ADGRB3: variants seen among roughly 807,000 people sequenced by gnomAD.
ADGRB3 encodes adhesion G protein-coupled receptor B3.
Under a neutral mutation model 193.4 loss-of-function variants are expected in ADGRB3, and 37 were observed. The ratio of observed to expected loss-of-function variants is 0.19; its 90% CI spans 0.15 to 0.25. The LOEUF (loss-of-function observed/expected upper bound fraction) is 0.25, where lower values mean the gene tolerates loss of function less well. ADGRB3 is among the 10% of genes least tolerant of loss of function. The probability of loss-of-function intolerance (pLI) is 1.00; values close to 1 mark genes in which losing one functional copy is unlikely to be tolerated. For missense variants in ADGRB3, 1,637 were observed against 1,852.9 expected, an observed-to-expected ratio of 0.88 and a Z score of 2.14; for synonymous variants, 690 against 644.2, an observed-to-expected ratio of 1.07 and a Z score of -1.08.
chr6:69,351,611 A>C (rs976235540), intron 26 of ADGRB3, among the ~76,000 whole-genome samples: 7 of 152,194 alleles, frequency 4.6e-5, no homozygotes, highest in African/African-American at 1.7e-4. Flanking sequence ...ATAGCATTTA[A>C]TGATTCATGA....
chr6:69,361,474 A>T lies in ADGRB3; in HGVS notation c.4201A>T (p.Ser1401Cys). 1 of 1,612,648 alleles carries T rather than the reference A, an allele frequency of 6.2e-7. No individual in the cohort carries two copies. The highest frequency in any genetic ancestry group is 8.5e-7 in the Non-Finnish European group (1 of 1,179,028). The stretch of plus-strand genomic sequence containing the variant: ...GGATGATAATGCAGGACTATCAAGA[A>T]GTGAAACTGGATCAACGATATCAAT... Reference protein sequence around the residue: ...ELDDNAGLSRSETGSTISMSS... With the variant: ...ELDDNAGLSRCETGSTISMSS... Residue 1401 changes from serine to cysteine, a missense_variant, in exon 29 of 32, where the codon AGT (serine) becomes TGT (cysteine). Ser to Cys is a moderately radical substitution (Grantham distance 112, BLOSUM62 -1). Transcript: ENST00000370598.
chr6:68,843,059 A>ACC (rs1554203968), intron 3 of ADGRB3, among the ~76,000 whole-genome samples: 1 of 151,268 alleles, frequency 6.6e-6, no homozygotes. Flanking sequence ...AACAAAAAAA[A>ACC]AAACAGGAAA....
chr6:69,079,963 A>G (rs1313130429), intron 17 of ADGRB3, among the ~76,000 whole-genome samples: 5 of 152,036 alleles, frequency 3.3e-5, no homozygotes. Context: ...TTTCAAATTG[A>G]TTTATTGGAG....
chr6:68,989,728 A>G (rs562625384), intron 10 of ADGRB3, among the ~76,000 whole-genome samples: 1 of 152,294 alleles, frequency 6.6e-6, no homozygotes, highest in Non-Finnish European at 1.5e-5. Context: ...TTTTATTATT[A>G]CAACTGCTAC....
intron 3 of ADGRB3, among the ~76,000 whole-genome samples, chr6:68,920,246 G>C (rs9446073): frequency 1.3e-5 from 2 of 152,162 alleles, no homozygotes; most frequent in East Asian, 1.9e-4. Context: ...GGCCAGGTGC[G>C]GTGGCTCACG....
At chr6:68,820,745 G>A (rs1350570634) in intron 3 of ADGRB3, among the ~76,000 whole-genome samples, 3 of 151,942 alleles carry the variant, frequency 2.0e-5, no homozygotes, top group Non-Finnish European at 4.4e-5. Flanking sequence ...GAGTATGCAT[G>A]CATGTATATT....
intron 3 of ADGRB3, among the ~76,000 whole-genome samples, chr6:68,790,596 GA>G (rs1767083425): frequency 1.3e-5 from 2 of 152,242 alleles, no homozygotes; most frequent in South Asian, 4.2e-4. Flanking sequence ...AAAACTTCCA[GA>G]GGAACGATCA....
chr6:68,705,505 T>C (rs779028536), intron 3 of ADGRB3, among the ~76,000 whole-genome samples: 1 of 152,202 alleles, frequency 6.6e-6, no homozygotes, highest in Non-Finnish European at 1.5e-5. Flanking sequence ...AGAATCATGA[T>C]GGAATCAAAC....
intron 13 of ADGRB3, among the ~76,000 whole-genome samples, chr6:69,021,749 C>G (rs1770277639): frequency 6.6e-6 from 1 of 151,832 alleles, no homozygotes; most frequent in Admixed American, 6.6e-5. Flanking sequence ...TTTAGAAAGA[C>G]TTTCTTCAAA....
intron 3 of ADGRB3, among the ~76,000 whole-genome samples, chr6:68,742,203 T>C (rs1765995646): frequency 6.6e-6 from 1 of 152,206 alleles, no homozygotes; most frequent in African/African-American, 2.4e-5. Context: ...AAGTCATTGC[T>C]AATGAGTGGC....
chr6:69,252,308 A>C (rs1667919457), intron 20 of ADGRB3, among the ~76,000 whole-genome samples: 1 of 152,126 alleles, frequency 6.6e-6, no homozygotes, highest in African/African-American at 2.4e-5. Flanking sequence ...TTTCCAATTG[A>C]TAGACATATG....
chr6:69,118,802 A>T (rs1025685400), intron 17 of ADGRB3, among the ~76,000 whole-genome samples: 2 of 152,126 alleles, frequency 1.3e-5, no homozygotes, highest in South Asian at 4.1e-4. Context: ...CTTACTTTAA[A>T]TGAGTTTACC....
chr6:68,764,878 T>C (rs995110711), intron 3 of ADGRB3, among the ~76,000 whole-genome samples: 3 of 152,224 alleles, frequency 2.0e-5, no homozygotes, highest in South Asian at 2.1e-4. Context: ...GATAGAAATG[T>C]GTAACTTCAT....
intron 20 of ADGRB3, among the ~76,000 whole-genome samples, chr6:69,302,082 A>G (rs1471197113): frequency 6.6e-6 from 1 of 151,978 alleles, no homozygotes; most frequent in Non-Finnish European, 1.5e-5. Flanking sequence ...TTTGGAGACC[A>G]TGAAAAAACT....
intron 3 of ADGRB3, among the ~76,000 whole-genome samples, chr6:68,648,944 A>T (rs1380221620): frequency 6.6e-6 from 1 of 152,076 alleles, no homozygotes; most frequent in East Asian, 1.9e-4. Flanking sequence ...AAAGAATATA[A>T]TAACACCTAT....
intron 13 of ADGRB3, among the ~76,000 whole-genome samples, chr6:69,020,826 C>G (rs1158961551): frequency 6.6e-6 from 1 of 151,916 alleles, no homozygotes; most frequent in African/African-American, 2.4e-5. Context: ...GGGTTATGCG[C>G]CATAGTATTC....
intron 17 of ADGRB3, among the ~76,000 whole-genome samples, chr6:69,107,063 T>C (rs1773235157): frequency 6.6e-6 from 1 of 152,204 alleles, no homozygotes; most frequent in Non-Finnish European, 1.5e-5. Context: ...TATGTAAATG[T>C]ATTTAATAAC....
intron 3 of ADGRB3, among the ~76,000 whole-genome samples, chr6:68,711,771 T>A (rs1765412944): frequency 6.6e-6 from 1 of 152,122 alleles, no homozygotes; most frequent in Admixed American, 6.6e-5. Context: ...TACTCATGGC[T>A]TCAATCATCA....
At position 69,006,829 on chromosome 6, in the gene ADGRB3, CTTCGTCATCTTT is replaced by C. The variant is rs527396554; in HGVS notation, c.1930-7206_1930-7195del. Among the ~76,000 whole-genome samples, 5 of 152,006 alleles carry C rather than the reference CTTCGTCATCTTT, an allele frequency of 3.3e-5. No individual in the cohort carries two copies. The East Asian group carries it at 9.7e-4, about 29-fold the overall frequency. ...CCTGTCTTTCCTGCTTTCTTTCTTA[CTTCGTCATCTTT>C]TTTTTATTTATTTCTCTTCTTATGA... On this transcript the variant is annotated intron_variant, in intron 11 of 31. Coordinates refer to ENST00000370598, the MANE Select transcript of ADGRB3 (RefSeq NM_001704.3).
Sources: allele counts gnomAD v4.1 joint callset (sites outside exome capture counted in the v4.1 genomes callset), GRCh38; gene constraint gnomAD v4.1.1; transcripts MANE v1.5; gene names NCBI Gene and HGNC (gene_info 2026-07-23, HGNC 2026-07-21).